The following TMEM92 variants were observed in gnomAD, a reference collection of about 807,000 sequenced individuals.
TMEM92 encodes the protein transmembrane protein 92.
TMEM92 carries 15 observed loss-of-function variants against 14.6 expected under a neutral mutation model. That is an observed-to-expected ratio of 1.03 (90% CI 0.69 to 1.58). The LOEUF (loss-of-function observed/expected upper bound fraction) is 1.58. Among genes scored for constraint, TMEM92 ranks in the 40% most tolerant of loss-of-function variants. TMEM92 has a pLI of 0.00. For synonymous variants in TMEM92, 85 were observed against 83.3 expected, an observed-to-expected ratio of 1.02 and a Z score of -0.11; for missense variants, 174 against 202.4, an observed-to-expected ratio of 0.86 and a Z score of 0.85.
chr17:50,278,678 G>A, intron 3 of TMEM92, 48 bp downstream of exon 3: 3 of 1,601,598 alleles, frequency 1.9e-6, no homozygotes, highest in Non-Finnish European at 2.6e-6. Flanking sequence ...GAGGGGCCTG[G>A]TCCTGTGTGG....
chr17:50,278,199 T>C (rs2253804), intron 2 of TMEM92, among the ~76,000 whole-genome samples: 28,035 of 152,112 alleles, frequency 0.18, 3,051 homozygotes, highest in African/African-American at 0.3. Flanking sequence ...TGGCTCTTCC[T>C]GGACATGCCA....
At chr17:50,273,793 T>C (rs1910328542), upstream of TMEM92, among the ~76,000 whole-genome samples, 1 of 152,046 alleles carries the variant, frequency 6.6e-6, no homozygotes, top group Non-Finnish European at 1.5e-5. Context: ...TGCCCCCATT[T>C]GACTTCTCAC....
At chr17:50,278,772 CAG>C in intron 3 of TMEM92, 27 bp from the exon 4 acceptor site, 1 of 1,589,764 alleles carries the variant, frequency 6.3e-7, no homozygotes, top group Non-Finnish European at 8.5e-7. Context: ...CCTGGGGACT[CAG>C]GGTACTCTTG....
chr17:50,274,644 GGTCGCC>G, intron 1 of TMEM92, 74 bp downstream of exon 1: 1 of 1,328,420 alleles, frequency 7.5e-7, no homozygotes, highest in Non-Finnish European at 1.1e-6. Context: ...TCTGGAGCCT[GGTCGCC>G]ACCTTCCAGA....
intron 1 of TMEM92, among the ~76,000 whole-genome samples, 182 bp from the exon 2 acceptor site, chr17:50,277,533 T>C (rs750540469): frequency 7.3e-5 from 11 of 151,554 alleles, no homozygotes; most frequent in East Asian, 1.9e-4. Flanking sequence ...CAGGGGTCAG[T>C]TGGGCTCCAA....
chr17:50,272,148 C>T (rs1402771463), upstream of TMEM92, among the ~76,000 whole-genome samples: 1 of 152,086 alleles, frequency 6.6e-6, no homozygotes, highest in Non-Finnish European at 1.5e-5. Context: ...CAGGTTGATG[C>T]CAGAGACCCA....
Position 50,279,197 on chromosome 17 carries a change from G to A in TMEM92, c.369G>A (p.Val123=). Residue 123 remains valine (V), a splice_region_variant and synonymous_variant, in exon 5 of 5, where the codon GTG becomes GTA. Transcript: ENST00000507382. ...TGAATTCTCTCTTTTCCCTGCAGGT[G>A]ATTCTGAAGCCCAGCCTGGGCCCAA... ...LSAPPPPYSE[V]ILKPSLGPTP... 1.9e-6 allele frequency: 3 copies of A among 1,613,886 alleles called. No individual in the cohort carries two copies. Among genetic ancestry groups the A allele is most frequent in the Non-Finnish European group, 2.5e-6 (3 of 1,179,808 alleles).
chr17:50,274,688 G>T (rs1910369922), intron 1 of TMEM92, 118 bp downstream of exon 1: 1 of 875,020 alleles, frequency 1.1e-6, no homozygotes, highest in African/African-American at 1.7e-5. Flanking sequence ...ACCACACACA[G>T]TTAGCTACTT....
upstream of TMEM92, among the ~76,000 whole-genome samples, chr17:50,272,616 G>A (rs1267890530): frequency 6.6e-6 from 1 of 152,198 alleles, no homozygotes; most frequent in African/African-American, 2.4e-5. Context: ...TTCAAATACA[G>A]AGGGGCCAGA....
chr17:50,275,957 C>A (rs1303145798), intron 1 of TMEM92, among the ~76,000 whole-genome samples: 2 of 151,966 alleles, frequency 1.3e-5, no homozygotes, highest in Non-Finnish European at 2.9e-5. Flanking sequence ...GACCAACAAC[C>A]CCATCTCTAC....
At chr17:50,277,856 A>G in intron 2 of TMEM92, 116 bp downstream of exon 2, 2 of 1,336,926 alleles carry the variant, frequency 1.5e-6, no homozygotes, top group Non-Finnish European at 2.1e-6. Flanking sequence ...CTCAGTCCCA[A>G]TCCAGCCAGA....
At position 50,279,569 on chromosome 17, in the gene TMEM92, G is replaced by A; in HGVS notation, c.*261G>A. 2.3e-6 allele frequency: 1 copy of A among 437,310 alleles called. No homozygotes were observed. The highest frequency in any genetic ancestry group is 4.2e-6 in the Non-Finnish European group (1 of 240,440). 27.1% of individuals were successfully genotyped at this position (437,310 alleles called of 1,614,324 possible). A position where few individuals can be genotyped will look rare whatever the true frequency, so the allele number is the denominator to read the frequency against. On this transcript the variant is annotated 3_prime_UTR_variant, in exon 5 of 5. Transcript: ENST00000507382. The stretch of plus-strand genomic sequence containing the variant: ...TGCCGGAAAGAAAATGCTGACCATT[G>A]GAGGTGCCCAACAGTAGAATGGGCT...
chr17:50,276,568 T>C (rs964505224), intron 1 of TMEM92, among the ~76,000 whole-genome samples: 2 of 152,338 alleles, frequency 1.3e-5, no homozygotes, highest in African/African-American at 2.4e-5. Flanking sequence ...TGGCTTCCTA[T>C]TTTTTAGCCT....
In TMEM92 at chr17:50,278,566, A is replaced by G. The variant is rs1910505006; in HGVS notation, c.106A>G (p.Lys36Glu). 6.2e-7 allele frequency: 1 copy of G among 1,613,842 alleles called. No individual in the cohort carries two copies. The part of the protein sequence containing the change: ...AKCGLILACP[K>E]GFKCCGDSCC... ...GTGCCCTCTGACCAGTGCCTGCCCC[A>G]AAGGATTCAAATGCTGTGGTGACAG... Residue 36 changes from lysine (K) to glutamate (E), a missense_variant, in exon 3 of 5, where the codon AAA becomes GAA. Lys to Glu is a moderately conservative substitution (Grantham distance 56). Coordinates refer to ENST00000507382, the MANE Select transcript of TMEM92 (RefSeq NM_153229.3).
rs1306362413 is a variant in TMEM92, at chr17:50,280,844, G to C, written c.*1536G>C. 1 of 152,330 alleles carries C rather than the reference G, an allele frequency of 6.6e-6. No homozygotes were observed. The highest frequency in any genetic ancestry group is 2.4e-5 in the African/African-American group (1 of 41,422). The allele number at this position is 152,330 out of a possible 1,614,324, so 9.4% of individuals were successfully genotyped here. ...GCAGTTACTGACAATATAGTGCCAG[G>C]GTTGGCCATAGGAGAATGAGCCCAA... On this transcript the variant is annotated 3_prime_UTR_variant, in exon 5 of 5. Coordinates refer to ENST00000507382, the MANE Select transcript of TMEM92 (RefSeq NM_153229.3).
upstream of TMEM92, among the ~76,000 whole-genome samples, chr17:50,274,060 C>G (rs914127401): frequency 5.3e-5 from 8 of 152,294 alleles, no homozygotes; most frequent in East Asian, 1.4e-3. Flanking sequence ...CTCACTGCAA[C>G]CTCTGCTTCC....
chr17:50,272,972 GAC>G (rs1463738429), upstream of TMEM92, among the ~76,000 whole-genome samples: 4 of 152,140 alleles, frequency 2.6e-5, no homozygotes, highest in African/African-American at 9.7e-5. Flanking sequence ...AACGGGGAGA[GAC>G]ACAGAGGGGT....
rs1456112368 is a variant in TMEM92 at position 50,278,921 on chromosome 17, C to T, written c.291C>T (p.Pro97=). The change falls in exon 4 of 5, where the codon CCC becomes CCT. Residue 97 remains proline, a synonymous_variant. Transcript: ENST00000507382. The stretch of plus-strand genomic sequence containing the variant: ...ACAGCCCAGTGGATTGCCGGGGGCC[C>T]CTGGAACTGCCCTCCATCATCCCCC... ...EPDSPVDCRG[P]LELPSIIPPE... The T allele has an allele frequency of 1.2e-6, 2 of 1,613,750 alleles. No homozygotes were observed. Among genetic ancestry groups the T allele is most frequent in the Non-Finnish European group, 1.7e-6 (2 of 1,179,824 alleles).
At chr17:50,275,240 A>G (rs1368812481) in intron 1 of TMEM92, among the ~76,000 whole-genome samples, 2 of 152,034 alleles carry the variant, frequency 1.3e-5, no homozygotes, top group African/African-American at 4.8e-5. Context: ...CTGGGAACAG[A>G]GACGGGTCTA....
Sources: allele counts gnomAD v4.1 joint callset (sites outside exome capture counted in the v4.1 genomes callset), GRCh38; gene constraint gnomAD v4.1.1; transcripts MANE v1.5; gene names NCBI Gene and HGNC (gene_info 2026-07-23, HGNC 2026-07-21).